FOXP2: variants seen among roughly 807,000 people sequenced by gnomAD.
FOXP2 encodes forkhead box protein P2.
A neutral mutation model predicts 115.8 loss-of-function variants in FOXP2; 12 were observed. That is an observed-to-expected ratio of 0.10 (90% CI 0.07 to 0.17). FOXP2 has a LOEUF of 0.17. FOXP2 is among the 10% of genes least tolerant of loss of function. FOXP2 has a pLI of 1.00. For synonymous variants in FOXP2, 328 were observed against 297.7 expected (o/e 1.10, Z -1.05); for missense variants, 629 against 843.5 (o/e 0.75, Z 3.15).
Position 114,247,100 on chromosome 7 carries a change from T to A in FOXP2, c.-101-40919T>A, listed in dbSNP as rs181374586. On this transcript the variant is annotated intron_variant, in intron 1 of 17. Coordinates refer to the FOXP2 transcript ENST00000634411. ...TTTATCACTGTGTTTTACAAAATAATCTCATGATAAATTCTCCTCCAACTG... is the reference window on the plus strand; with the variant it reads ...TTTATCACTGTGTTTTACAAAATAAACTCATGATAAATTCTCCTCCAACTG... Among the ~76,000 whole-genome samples, 6 of 152,318 alleles carry A rather than the reference T, an allele frequency of 3.9e-5. No individual in the cohort carries two copies. The East Asian group carries it at 1.2e-3, about 29-fold the overall frequency.
intron 1 of FOXP2, among the ~76,000 whole-genome samples, chr7:114,244,368 A>G (rs1201311338): frequency 6.6e-6 from 1 of 152,166 alleles, no homozygotes; most frequent in African/African-American, 2.4e-5. Flanking sequence ...CCAGGATACC[A>G]CATTAAATGT....
intron 2 of FOXP2, among the ~76,000 whole-genome samples, chr7:114,498,073 A>G (rs1797402715): frequency 6.6e-6 from 1 of 152,194 alleles, no homozygotes. Context: ...TTTGACTTAT[A>G]AAATGATTAT....
chr7:114,160,726 A>G (rs1792804670), upstream of FOXP2, among the ~76,000 whole-genome samples: 2 of 151,940 alleles, frequency 1.3e-5, no homozygotes, highest in South Asian at 2.1e-4. Context: ...GTTAAGAAAA[A>G]GTACAGCTAG....
At chr7:114,491,578 G>A (rs1336492441) in intron 2 of FOXP2, among the ~76,000 whole-genome samples, 3 of 152,132 alleles carry the variant, frequency 2.0e-5, no homozygotes, top group Non-Finnish European at 4.4e-5. Context: ...TGAAGTCCTT[G>A]CCCATGTCTA....
chr7:114,231,922 G>A (rs1794885206), intron 1 of FOXP2, among the ~76,000 whole-genome samples: 1 of 152,084 alleles, frequency 6.6e-6, no homozygotes, highest in African/African-American at 2.4e-5. Context: ...GAGTGCAAAG[G>A]CAGCCTACAG....
At position 114,500,600 on chromosome 7, in the gene FOXP2, G is replaced by T. The variant is rs1200057912; in HGVS notation, c.169-34017G>T. ...CATTATCCACAGCATTAAGCATTCA[G>T]ATTCAAAGAACCTTAGGGATACAGA... On this transcript the variant is annotated intron_variant, in intron 2 of 16. Coordinates refer to ENST00000350908, the MANE Select transcript of FOXP2 (RefSeq NM_014491.4). 3.3e-5 allele frequency among the ~76,000 whole-genome samples: 5 copies of T among 152,066 alleles called. No individual in the cohort carries two copies. The South Asian group carries it at 6.2e-4, about 19-fold the overall frequency.
chr7:114,256,761 G>A (rs1795623875), intron 1 of FOXP2, among the ~76,000 whole-genome samples: 1 of 152,092 alleles, frequency 6.6e-6, no homozygotes, highest in Non-Finnish European at 1.5e-5. Context: ...ACCTCTTCAA[G>A]GGGAACTATA....
chr7:114,267,740 TA>T (rs1795927847), intron 1 of FOXP2, among the ~76,000 whole-genome samples: 1 of 124,996 alleles, frequency 8.0e-6, no homozygotes, highest in Non-Finnish European at 1.6e-5. Context: ...AATAAATAAA[TA>T]AATAAATAAA....
rs190213477 is a variant in FOXP2 at position 114,153,696 on chromosome 7, G to A, written c.-246-9248G>A. Among the ~76,000 whole-genome samples the A allele has an allele frequency of 5.3e-5, 8 of 152,176 alleles. No individual in the cohort carries two copies. In the East Asian group the frequency reaches 1.5e-3, roughly 29 times the overall value. On this transcript the variant is annotated intron_variant, in intron 1 of 19. Coordinates refer to the FOXP2 transcript ENST00000635638. ...TTTTATTGGGATATTAATTCTCAGAGGTGCTAATCTCATCAAGATTTGTAG... is the reference window on the plus strand; with the variant it reads ...TTTTATTGGGATATTAATTCTCAGAAGTGCTAATCTCATCAAGATTTGTAG...
chr7:114,517,115 T>C (rs1562971069), intron 2 of FOXP2, among the ~76,000 whole-genome samples: 2 of 152,128 alleles, frequency 1.3e-5, no homozygotes, highest in Non-Finnish European at 2.9e-5. Context: ...TGTTGAGCAT[T>C]TTTTATATAC....
rs1808622819 is a variant in FOXP2 at position 114,690,732 on chromosome 7, A to G, written c.*806A>G. 6.6e-6 allele frequency: 3 copies of G among 454,506 alleles called. No homozygotes were observed. Among genetic ancestry groups the G allele is most frequent in the Non-Finnish European group, 1.3e-5 (3 of 226,784 alleles). 28.2% of individuals were successfully genotyped at this position (454,506 alleles called of 1,614,324 possible). A position where few individuals can be genotyped will look rare whatever the true frequency, so the allele number is the denominator to read the frequency against. ...CTTTGTCTACCTGCAAACACAGTCA[A>G]AGGCTACAGCTGCAAACCAAAGCCA... On this transcript the variant is annotated 3_prime_UTR_variant, in exon 17 of 17. Transcript: ENST00000350908.
chr7:114,388,779 G>A (rs1299250966), intron 2 of FOXP2, among the ~76,000 whole-genome samples: 1 of 152,058 alleles, frequency 6.6e-6, no homozygotes, highest in Non-Finnish European at 1.5e-5. Flanking sequence ...ACAGCATAGA[G>A]GAAAAATAGT....
At chr7:114,199,966 A>G (rs2129159337) in intron 1 of FOXP2, among the ~76,000 whole-genome samples, 1 of 152,282 alleles carries the variant, frequency 6.6e-6, no homozygotes, top group Non-Finnish European at 1.5e-5. Flanking sequence ...TTATAAGTAA[A>G]ACACTATAGA....
At chr7:114,218,503 A>C (rs1794539513) in intron 1 of FOXP2, among the ~76,000 whole-genome samples, 1 of 152,204 alleles carries the variant, frequency 6.6e-6, no homozygotes. Context: ...ATATGAAAAT[A>C]ATAGTTTTAC....
intron 2 of FOXP2, among the ~76,000 whole-genome samples, chr7:114,384,934 A>G: frequency 6.6e-6 from 1 of 152,162 alleles, no homozygotes; most frequent in Non-Finnish European, 1.5e-5. Context: ...ATTATCAATT[A>G]TAGGTTTTAA....
chr7:114,617,682 A>G (rs936234946), intron 3 of FOXP2, among the ~76,000 whole-genome samples: 3 of 152,172 alleles, frequency 2.0e-5, no homozygotes, highest in African/African-American at 7.2e-5. Flanking sequence ...AATCCCAGCT[A>G]TTCCGGAGGC....
intron 2 of FOXP2, among the ~76,000 whole-genome samples, chr7:114,371,467 A>G (rs575091857): frequency 9.2e-5 from 14 of 152,206 alleles, no homozygotes; most frequent in African/African-American, 3.1e-4. Flanking sequence ...AATATAGAAT[A>G]AAAATAAATA....
chr7:114,512,085 A>G (rs541160406), intron 2 of FOXP2, among the ~76,000 whole-genome samples: 1 of 152,104 alleles, frequency 6.6e-6, no homozygotes, highest in African/African-American at 2.4e-5. Context: ...TATAATTTGG[A>G]TATTCTTTTT....
chr7:114,274,829 G>T (rs1314873377), intron 1 of FOXP2, among the ~76,000 whole-genome samples: 2 of 150,656 alleles, frequency 1.3e-5, no homozygotes, highest in Non-Finnish European at 1.5e-5. Flanking sequence ...TTTTGTTTTT[G>T]TATTTTGTAG....
Sources: gnomAD v4.1 joint callset for allele counts (sites outside exome capture counted in the v4.1 genomes callset) on GRCh38, gnomAD v4.1.1 for gene constraint, MANE v1.5 for transcripts, NCBI Gene and HGNC (gene_info 2026-07-23, HGNC 2026-07-21) for gene names.